The following PTPA variants were observed in gnomAD, a reference collection of about 807,000 sequenced individuals.
The protein encoded by PTPA is serine/threonine-protein phosphatase 2A activator.
Under a neutral mutation model 43.6 loss-of-function variants are expected in PTPA, and 13 were observed. That is an observed-to-expected ratio of 0.30 (90% CI 0.19 to 0.47). The LOEUF (loss-of-function observed/expected upper bound fraction) is 0.47, where lower values mean the gene tolerates loss of function less well. Ranked by LOEUF, PTPA falls within the 20% of genes least tolerant of loss-of-function variation. The pLI is 0.99. For synonymous variants in PTPA, 172 were observed against 158.2 expected (o/e 1.09, Z -0.66); for missense variants, 329 against 411.9 (o/e 0.80, Z 1.74).
upstream of PTPA, chr9:129,111,186 G>A (rs550072223): frequency 5.7e-5 from 63 of 1,113,968 alleles, no homozygotes; most frequent in African/African-American, 1.0e-3. Flanking sequence ...GGTACTCCGG[G>A]ACAGGAGACT....
chr9:129,113,266 A>G (rs1848660988), intron 1 of PTPA, among the ~76,000 whole-genome samples: 1 of 151,536 alleles, frequency 6.6e-6, no homozygotes, highest in Non-Finnish European at 1.5e-5. Flanking sequence ...TAATTTTTGT[A>G]TTTTTAATAG....
At position 129,147,471 on chromosome 9, in the gene PTPA, C is replaced by A; in HGVS notation, c.*7C>A. 1 of 1,613,110 alleles carries A rather than the reference C, an allele frequency of 6.2e-7. No homozygotes were observed. The highest frequency in any genetic ancestry group is 1.7e-4 in the Middle Eastern group (1 of 5,848). On this transcript the variant is annotated 3_prime_UTR_variant, in exon 10 of 10. Coordinates refer to ENST00000393370, the MANE Select transcript of PTPA (RefSeq NM_178000.3). ...TCCTGTCACGTCGGGCTAGGAGGGG[C>A]CAAGCCGAAGAGCCACCCAGGCCAC... is the stretch of plus-strand genomic sequence containing the variant.
At chr9:129,144,998 A>G (rs1851200357) in intron 9 of PTPA, among the ~76,000 whole-genome samples, 1 of 151,914 alleles carries the variant, frequency 6.6e-6, no homozygotes, top group African/African-American at 2.4e-5. Flanking sequence ...ACACCACTGC[A>G]CTCCAGCCTG....
At chr9:129,114,717 T>C (rs1227767198) in intron 1 of PTPA, among the ~76,000 whole-genome samples, 1 of 152,202 alleles carries the variant, frequency 6.6e-6, no homozygotes, top group African/African-American at 2.4e-5. Flanking sequence ...TGAATGTTGA[T>C]TTTATACTGT....
intron 5 of PTPA, among the ~76,000 whole-genome samples, chr9:129,133,749 T>C (rs1272286185): frequency 1.3e-5 from 2 of 152,236 alleles, no homozygotes. Flanking sequence ...CTCTTTCCTA[T>C]GGCCAAAAGG....
intron 9 of PTPA, among the ~76,000 whole-genome samples, chr9:129,145,741 T>G (rs1473350244): frequency 6.6e-6 from 1 of 152,092 alleles, no homozygotes; most frequent in Non-Finnish European, 1.5e-5. Context: ...GGGGAGGGTC[T>G]GTCTTTCCTC....
Position 129,131,510 on chromosome 9 carries a change from T to G in PTPA, c.343-12T>G. The G allele has an allele frequency of 1.2e-6, 2 of 1,612,260 alleles. No homozygotes were observed. The highest frequency in any genetic ancestry group is 1.7e-6 in the Non-Finnish European group (2 of 1,179,206). On this transcript the variant is annotated splice_polypyrimidine_tract_variant and intron_variant, in intron 4 of 9. Transcript: ENST00000393370. ...ATATGCTGCCACCACTTTGTGTCTC[T>G]TGTGTTACCAGGAAGCAGAAAACTT...
rs1848707671 is a variant in PTPA at position 129,113,965 on chromosome 9, C to A, written c.31+2334C>A. 2.0e-5 allele frequency among the ~76,000 whole-genome samples: 3 copies of A among 152,086 alleles called. No individual in the cohort carries two copies. The South Asian group carries it at 6.2e-4, about 32-fold the overall frequency. ...ATCCGTGGCTGGAAACAGCCAGGTC[C>A]CTGGTTGTGGTCCTTTTTTGAAATT... On this transcript the variant is annotated intron_variant, in intron 1 of 9. Transcript: ENST00000393370.
rs147044679 is a variant in PTPA, at chr9:129,123,135, C to T, written c.213C>T (p.Ser71=). The T allele has an allele frequency of 6.8e-4, 1,086 of 1,605,476 alleles. 4 individuals are homozygous for T. In the African/African-American group the frequency reaches 0.012, roughly 17 times the overall value. The change falls in exon 3 of 10, where the codon TCC becomes TCT. Residue 71 remains serine, a synonymous_variant. Coordinates refer to ENST00000393370, the MANE Select transcript of PTPA (RefSeq NM_178000.3). ...AGCTGACCTTCGAGTACAGAGTCTCCGAGGTAGGCCCAAGGAGGAGCTGCT... is the reference window on the plus strand; with the variant it reads ...AGCTGACCTTCGAGTACAGAGTCTCTGAGGTAGGCCCAAGGAGGAGCTGCT... The part of the protein sequence containing the change: ...GKKLTFEYRV[S]EAIEKLVALL...
intron 3 of PTPA, chr9:129,128,087 A>C: frequency 7.6e-7 from 1 of 1,307,326 alleles, no homozygotes; most frequent in Non-Finnish European, 1.0e-6. Flanking sequence ...CATCAGCCCC[A>C]TTTTTTAGAC....
intron 3 of PTPA, chr9:129,128,040 C>A (rs374814403): frequency 1.5e-6 from 2 of 1,343,258 alleles, no homozygotes; most frequent in African/African-American, 1.5e-5. Context: ...ATACCATTAC[C>A]CCGCGCCGGG....
At chr9:129,137,812 C>T (rs199854997) in intron 8 of PTPA, 120 bp downstream of exon 8, 105 of 933,530 alleles carry the variant, frequency 1.1e-4, no homozygotes, top group East Asian at 1.1e-4. Context: ...CAGGGCCGGC[C>T]GGAGCGGGTT....
Position 129,147,557 on chromosome 9 carries a change from C to G in PTPA, c.*93C>G. 2 of 1,341,696 alleles carry G rather than the reference C, an allele frequency of 1.5e-6. No individual in the cohort carries two copies. The highest frequency in any genetic ancestry group is 2.1e-6 in the Non-Finnish European group (2 of 959,720). The allele number at this position is 1,341,696 out of a possible 1,614,324, so 83.1% of individuals were successfully genotyped here. A position where few individuals can be genotyped will look rare whatever the true frequency, so the allele number is the denominator to read the frequency against. The stretch of plus-strand genomic sequence containing the variant: ...CCCCTCCCCATCCCCTCCCTCTGTT[C>G]GTCCCGTTTGATGAGAGGCTGTTTA... On this transcript the variant is annotated 3_prime_UTR_variant, in exon 10 of 10. Coordinates refer to ENST00000393370, the MANE Select transcript of PTPA (RefSeq NM_178000.3).
At chr9:129,115,999 T>C (rs1026125958) in intron 1 of PTPA, among the ~76,000 whole-genome samples, 4 of 152,076 alleles carry the variant, frequency 2.6e-5, no homozygotes, top group Non-Finnish European at 5.9e-5. Flanking sequence ...TAGCTGGGAC[T>C]ACAGGTGTGC....
Position 129,126,807 on chromosome 9 carries a change from A to G in PTPA, c.217-2178A>G, listed in dbSNP as rs17508798. 3.1e-3 allele frequency among the ~76,000 whole-genome samples: 473 copies of G among 152,282 alleles called. 4 individuals carry two copies. Among genetic ancestry groups the G allele is most frequent in the African/African-American group, 0.011 (459 of 41,558 alleles). On this transcript the variant is annotated intron_variant, in intron 3 of 9. Transcript: ENST00000393370. ...AGCAAACAATAGAGGCAGCCCCTAC[A>G]ACATTCAAAAAGCCCTCTCCTGAAG...
intron 8 of PTPA, among the ~76,000 whole-genome samples, chr9:129,138,602 T>C (rs990175840): frequency 1.3e-5 from 2 of 152,070 alleles, no homozygotes; most frequent in African/African-American, 2.4e-5. Flanking sequence ...TCAGTCCCTT[T>C]CCCGACACCA....
chr9:129,143,403 C>T (rs1564203919), intron 9 of PTPA: 2 of 703,072 alleles, frequency 2.8e-6, no homozygotes, highest in Admixed American at 2.0e-5. Context: ...TTCATGGCCT[C>T]AGACACTGTA....
At chr9:129,143,345 G>A (rs1428087336) in intron 9 of PTPA, 1 of 703,076 alleles carries the variant, frequency 1.4e-6, no homozygotes, top group Admixed American at 2.0e-5. Flanking sequence ...GGAGTGATGG[G>A]TCCTTAAAGT....
chr9:129,142,356 G>GTGCA (rs1850934126), intron 8 of PTPA, 89 bp from the exon 9 acceptor site: 2 of 1,164,670 alleles, frequency 1.7e-6, no homozygotes, highest in Admixed American at 4.6e-5. Flanking sequence ...GTGTGTGTGT[G>GTGCA]CATGCATGGG....
Sources: gnomAD v4.1 joint callset for allele counts (sites outside exome capture counted in the v4.1 genomes callset) on GRCh38, gnomAD v4.1.1 for gene constraint, MANE v1.5 for transcripts, NCBI Gene and HGNC (gene_info 2026-07-23, HGNC 2026-07-21) for gene names.